The following CCNY variants were observed in gnomAD, a reference collection of about 807,000 sequenced individuals.
CCNY encodes the protein cyclin Y, also known as cyclin-Y.
CCNY carries 19 observed loss-of-function variants against 42.8 expected under a neutral mutation model. The ratio of observed to expected loss-of-function variants is 0.44; its 90% CI spans 0.31 to 0.65. The LOEUF (loss-of-function observed/expected upper bound fraction) is 0.65, where lower values mean the gene tolerates loss of function less well. Ranked by LOEUF, CCNY falls within the 30% of genes least tolerant of loss-of-function variation. CCNY has a pLI of 0.07. For synonymous variants in CCNY, 165 were observed against 162.7 expected (o/e 1.01, Z -0.11); for missense variants, 370 against 437.3 (o/e 0.85, Z 1.37).
chr10:35,455,128 C>T (rs1839001217), intron 1 of CCNY, among the ~76,000 whole-genome samples: 1 of 152,188 alleles, frequency 6.6e-6, no homozygotes, highest in Admixed American at 6.5e-5. Flanking sequence ...CACTCTGTTC[C>T]CAAAGAGCAG....
intron 8 of CCNY, among the ~76,000 whole-genome samples, chr10:35,555,636 G>A (rs1244086986): frequency 2.0e-5 from 3 of 152,160 alleles, no homozygotes; most frequent in Non-Finnish European, 2.9e-5. Context: ...ATGCCCAGGT[G>A]ACTTGACTAG....
intron 1 of CCNY, among the ~76,000 whole-genome samples, chr10:35,337,650 C>T (rs1223503719): frequency 2.6e-5 from 4 of 152,194 alleles, no homozygotes; most frequent in African/African-American, 9.7e-5. Flanking sequence ...CCGGTGTCTC[C>T]AACCTCGAGT....
chr10:35,494,196 G>GCC (rs1320241579), intron 2 of CCNY, among the ~76,000 whole-genome samples: 1 of 140,318 alleles, frequency 7.1e-6, no homozygotes, highest in Non-Finnish European at 1.5e-5. Context: ...GATTGCTTGA[G>GCC]CCCAGGAGTT....
chr10:35,371,532 A>C (rs1589069383), intron 1 of CCNY, among the ~76,000 whole-genome samples: 1 of 152,034 alleles, frequency 6.6e-6, no homozygotes, highest in Admixed American at 6.5e-5. Flanking sequence ...TCTCACCTCC[A>C]CCTGCCTTTC....
At chr10:35,270,613 T>A (rs1201634348) in intron 3 of CCNY, among the ~76,000 whole-genome samples, 1 of 152,080 alleles carries the variant, frequency 6.6e-6, no homozygotes, top group African/African-American at 2.4e-5. Flanking sequence ...TTGCCCAGAG[T>A]CCACAACAAC....
intron 1 of CCNY, among the ~76,000 whole-genome samples, chr10:35,344,418 G>A (rs546652470): frequency 9.2e-5 from 14 of 152,152 alleles, no homozygotes; most frequent in South Asian, 4.1e-4. Context: ...TGGGCTGGGC[G>A]CCGTGGCTCA....
chr10:35,275,435 C>T (rs1835226785), intron 3 of CCNY, among the ~76,000 whole-genome samples: 1 of 151,968 alleles, frequency 6.6e-6, no homozygotes, highest in South Asian at 2.1e-4. Context: ...TGCAATAATT[C>T]TCACTTTGCA....
intron 7 of CCNY, among the ~76,000 whole-genome samples, chr10:35,546,672 G>T (rs1004698464): frequency 8.5e-5 from 13 of 152,150 alleles, no homozygotes; most frequent in Admixed American, 8.5e-4. Flanking sequence ...TATAGCAACT[G>T]CTTTCCCTCT....
chr10:35,345,530 G>A (rs1322009546), intron 1 of CCNY, among the ~76,000 whole-genome samples: 2 of 151,606 alleles, frequency 1.3e-5, no homozygotes, highest in African/African-American at 4.8e-5. Context: ...ATCCAAATGA[G>A]GCTAAAATGC....
chr10:35,496,058 T>C (rs1022380273), intron 2 of CCNY, among the ~76,000 whole-genome samples: 4 of 152,358 alleles, frequency 2.6e-5, no homozygotes, highest in East Asian at 3.9e-4. Flanking sequence ...ATGAAACCTT[T>C]TCTTTTCAAC....
chr10:35,383,953 A>AATATAT (rs35693357), intron 1 of CCNY, among the ~76,000 whole-genome samples: 2 of 141,958 alleles, frequency 1.4e-5, no homozygotes, highest in African/African-American at 2.9e-5. Flanking sequence ...TGAGAGTAAG[A>AATATAT]ATATATATAT....
rs191469196 is a variant in CCNY at position 35,492,334 on chromosome 10, G to A, written c.229+8856G>A. The stretch of plus-strand genomic sequence containing the variant: ...TGCCCTCTGTCCATGCTGGCCCAAT[G>A]GCTGCCTCATAGGTGATGCTTCCCT... On this transcript the variant is annotated intron_variant, in intron 2 of 9. Transcript: ENST00000374704. Among the ~76,000 whole-genome samples the A allele has an allele frequency of 5.2e-4, 79 of 152,300 alleles. No individual in the cohort carries two copies. In the East Asian group the frequency reaches 0.015, roughly 28 times the overall value.
At chr10:35,448,858 G>A (rs995965352) in intron 1 of CCNY, among the ~76,000 whole-genome samples, 1 of 152,124 alleles carries the variant, frequency 6.6e-6, no homozygotes, top group Non-Finnish European at 1.5e-5. Context: ...GGATTCCTGT[G>A]GCAACTATGG....
chr10:35,345,300 T>G (rs1347930724), intron 1 of CCNY, among the ~76,000 whole-genome samples: 2 of 152,138 alleles, frequency 1.3e-5, no homozygotes, highest in East Asian at 1.9e-4. Flanking sequence ...CATTATGGTT[T>G]TGATTTGCAT....
Position 35,569,042 on chromosome 10 carries a change from C to G in CCNY, c.910-12C>G. The G allele has an allele frequency of 6.4e-7, 1 of 1,572,494 alleles. No individual in the cohort carries two copies. Among genetic ancestry groups the G allele is most frequent in the African/African-American group, 1.3e-5 (1 of 74,236 alleles). ...GCCCGCCCTGACCCACACTGTCTTT[C>G]TTGCCCCTCAGGCCATCTCTCGCCT... On this transcript the variant is annotated splice_polypyrimidine_tract_variant and intron_variant, in intron 9 of 9. Transcript: ENST00000374704.
At chr10:35,470,829 T>C (rs1477039158) in intron 1 of CCNY, among the ~76,000 whole-genome samples, 1 of 152,212 alleles carries the variant, frequency 6.6e-6, no homozygotes, top group Non-Finnish European at 1.5e-5. Flanking sequence ...AATCACTGAT[T>C]GTGAGGCAGT....
At chr10:35,467,677 C>T (rs752428354) in intron 1 of CCNY, among the ~76,000 whole-genome samples, 1 of 152,196 alleles carries the variant, frequency 6.6e-6, no homozygotes, top group Non-Finnish European at 1.5e-5. Context: ...TTGACTAGGG[C>T]CCCCAATACA....
intron 1 of CCNY, among the ~76,000 whole-genome samples, chr10:35,366,881 GC>G (rs1190951434): frequency 1.3e-5 from 2 of 152,218 alleles, no homozygotes; most frequent in African/African-American, 4.8e-5. Context: ...GCCACGTGTG[GC>G]TAGAGTCTTC....
intron 1 of CCNY, among the ~76,000 whole-genome samples, chr10:35,411,410 A>G (rs1246166067): frequency 1.4e-5 from 2 of 145,080 alleles, no homozygotes; most frequent in South Asian, 4.7e-4. Flanking sequence ...CTACTTGGGG[A>G]TTCTCCTGAG....
Sources: allele counts gnomAD v4.1 joint callset (sites outside exome capture counted in the v4.1 genomes callset), GRCh38; gene constraint gnomAD v4.1.1; transcripts MANE v1.5; gene names NCBI Gene and HGNC (gene_info 2026-07-23, HGNC 2026-07-21).